Variants in GPD1L observed in about 807,000 individuals in gnomAD.
The protein encoded by GPD1L is glycerol-3-phosphate dehydrogenase 1 like.
Under a neutral mutation model 32.9 loss-of-function variants are expected in GPD1L, and 17 were observed. The observed-to-expected ratio is 0.52, with a 90% CI of 0.35 to 0.78. The LOEUF (loss-of-function observed/expected upper bound fraction) is 0.78, where lower values mean the gene tolerates loss of function less well. Among genes scored for constraint, GPD1L ranks in the 30% least tolerant of loss-of-function variants. The pLI, the probability that GPD1L is intolerant of heterozygous loss-of-function variation, is 0.01. For synonymous variants in GPD1L, 187 were observed against 165.9 expected, an observed-to-expected ratio of 1.13 and a Z score of -0.98; for missense variants, 361 against 447.8, an observed-to-expected ratio of 0.81 and a Z score of 1.75.
At chr3:32,124,325 A>G (rs947408884) in intron 1 of GPD1L, among the ~76,000 whole-genome samples, 1 of 152,048 alleles carries the variant, frequency 6.6e-6, no homozygotes, top group African/African-American at 2.4e-5. Context: ...TCGGCCTCCC[A>G]AAGTGCTGGG....
chr3:32,140,404 A>G, intron 4 of GPD1L, 38 bp downstream of exon 4: 1 of 1,609,562 alleles, frequency 6.2e-7, no homozygotes, highest in Non-Finnish European at 8.5e-7. Context: ...GAGTCTGGAC[A>G]TTTGATGTTT....
chr3:32,151,591 C>T (rs1221355243), intron 5 of GPD1L: 8 of 217,286 alleles, frequency 3.7e-5, no homozygotes, highest in African/African-American at 9.3e-5. Flanking sequence ...GTGATCCTCC[C>T]GCCTCAGCCT....
intron 5 of GPD1L, among the ~76,000 whole-genome samples, chr3:32,150,573 G>T (rs1410392012): frequency 1.4e-5 from 2 of 147,452 alleles, no homozygotes; most frequent in African/African-American, 5.0e-5. Context: ...TGCAACCTCT[G>T]CCTTCCAGGT....
intron 4 of GPD1L, among the ~76,000 whole-genome samples, chr3:32,144,822 A>AACACACACACAC (rs60130762): frequency 7.0e-6 from 1 of 142,064 alleles, no homozygotes; most frequent in African/African-American, 2.6e-5. Flanking sequence ...AGTAGCTGGG[A>AACACACACACAC]ACACACACAC....
chr3:32,124,396 A>C (rs1700474783), intron 1 of GPD1L, among the ~76,000 whole-genome samples: 1 of 152,186 alleles, frequency 6.6e-6, no homozygotes, highest in South Asian at 2.1e-4. Flanking sequence ...GCCACTTATA[A>C]GTAGACTCTG....
chr3:32,152,744 A>T (rs1038301496), intron 5 of GPD1L, among the ~76,000 whole-genome samples: 3 of 151,952 alleles, frequency 2.0e-5, no homozygotes, highest in Non-Finnish European at 2.9e-5. Flanking sequence ...AGGGTAGCAT[A>T]GGGTGTGGCC....
chr3:32,123,353 C>T (rs1239119757), intron 1 of GPD1L, among the ~76,000 whole-genome samples: 1 of 152,180 alleles, frequency 6.6e-6, no homozygotes, highest in African/African-American at 2.4e-5. Flanking sequence ...AGTCTGAGGC[C>T]TCTTCAGACT....
Position 32,106,855 on chromosome 3 carries a change from G to A in GPD1L, c.47+97G>A. ...CGCCCCATGCTGCGGCGTGGGCACC[G>A]GGCACTGCGCGCAGGGAGGCGGGGT... is the stretch of plus-strand genomic sequence containing the variant. On this transcript the variant is annotated intron_variant, in intron 1 of 7. Transcript: ENST00000282541. The surrounding 1 kb of genome is among the most constrained non-coding windows in gnomAD (Gnocchi z 4.0). 3 of 1,190,524 alleles carry A rather than the reference G, an allele frequency of 2.5e-6. No homozygotes were observed. Among genetic ancestry groups the A allele is most frequent in the South Asian group, 2.0e-5 (1 of 50,628 alleles). The allele number at this position is 1,190,524 out of a possible 1,614,324, so 73.7% of individuals were successfully genotyped here.
At chr3:32,157,948 G>A (rs78138056) in intron 5 of GPD1L, among the ~76,000 whole-genome samples, 2,616 of 152,228 alleles carry the variant, frequency 0.017, 78 homozygotes, top group African/African-American at 0.059. Flanking sequence ...ATACTCATTT[G>A]GGGATTATTA....
chr3:32,126,106 G>T (rs1170160487), intron 1 of GPD1L, among the ~76,000 whole-genome samples: 2 of 152,184 alleles, frequency 1.3e-5, no homozygotes, highest in East Asian at 3.8e-4. Flanking sequence ...GAGTTGGAAG[G>T]ATCACCTGAG....
At chr3:32,146,048 G>A (rs1280974662) in intron 4 of GPD1L, among the ~76,000 whole-genome samples, 3 of 149,540 alleles carry the variant, frequency 2.0e-5, no homozygotes, top group East Asian at 2.0e-4. Context: ...GTCACTTCTT[G>A]GTGTAGTTTT....
chr3:32,113,720 A>T (rs1287969288), intron 1 of GPD1L, among the ~76,000 whole-genome samples: 1 of 152,212 alleles, frequency 6.6e-6, no homozygotes, highest in Admixed American at 6.5e-5. Flanking sequence ...TTCAGACAGC[A>T]ATCATTTATT....
At chr3:32,141,876 G>T (rs1195701317) in intron 4 of GPD1L, among the ~76,000 whole-genome samples, 2 of 152,058 alleles carry the variant, frequency 1.3e-5, no homozygotes, top group Non-Finnish European at 2.9e-5. Flanking sequence ...TGAGGTCTGG[G>T]TTATGACTAA....
At position 32,165,917 on chromosome 3, in the gene GPD1L, T is replaced by G. The variant is rs1701140559; in HGVS notation, c.*7T>G. Reference sequence around the variant, plus strand: ...CCATCCAGAGCATACATAAAGTGAATCATGCAACGTGTTGGGGGAAGTTCT... The same window carrying G: ...CCATCCAGAGCATACATAAAGTGAAGCATGCAACGTGTTGGGGGAAGTTCT... On this transcript the variant is annotated 3_prime_UTR_variant, in exon 8 of 8. Transcript: ENST00000282541. 6.8e-7 allele frequency: 1 copy of G among 1,467,588 alleles called. No individual in the cohort carries two copies. Among genetic ancestry groups the G allele is most frequent in the Admixed American group, 1.7e-5 (1 of 59,820 alleles). The allele number at this position is 1,467,588 out of a possible 1,614,324, so 90.9% of individuals were successfully genotyped here. A position where few individuals can be genotyped will look rare whatever the true frequency, so the allele number is the denominator to read the frequency against.
At chr3:32,128,781 C>T (rs1700548200) in intron 2 of GPD1L, among the ~76,000 whole-genome samples, 1 of 152,232 alleles carries the variant, frequency 6.6e-6, no homozygotes, top group Non-Finnish European at 1.5e-5. Flanking sequence ...CCAGCCACCT[C>T]TGGAACTAAC....
Position 32,146,490 on chromosome 3 carries a change from T to C in GPD1L, c.506-132T>C, listed in dbSNP as rs1405534657. On this transcript the variant is annotated intron_variant, in intron 4 of 7. Coordinates refer to ENST00000282541, the MANE Select transcript of GPD1L (RefSeq NM_015141.4). The stretch of plus-strand genomic sequence containing the variant: ...TATTTTTACTTTATTTCTGCTCCTA[T>C]GTGTTTTCTAAATATCCTATCATGA... 10 of 687,028 alleles carry C rather than the reference T, an allele frequency of 1.5e-5. 1 individual carries two copies. Among genetic ancestry groups the C allele is most frequent in the Non-Finnish European group, 2.7e-5 (10 of 374,580 alleles). 42.6% of individuals were successfully genotyped at this position (687,028 alleles called of 1,614,324 possible). A position where few individuals can be genotyped will look rare whatever the true frequency, so the allele number is the denominator to read the frequency against.
intron 3 of GPD1L, among the ~76,000 whole-genome samples, chr3:32,139,237 C>T (rs1376258529): frequency 1.3e-5 from 2 of 152,252 alleles, no homozygotes; most frequent in East Asian, 1.9e-4. Flanking sequence ...GAATGCAGCT[C>T]ACAGCCAAAG....
chr3:32,138,124 C>T (rs534883890), intron 2 of GPD1L, among the ~76,000 whole-genome samples: 2 of 152,298 alleles, frequency 1.3e-5, no homozygotes, highest in East Asian at 1.9e-4. Flanking sequence ...ATACCCTTGA[C>T]CTGTCTCTCC....
intron 6 of GPD1L, 51 bp from the exon 7 acceptor site, chr3:32,159,517 T>C (rs1207947648): frequency 9.5e-7 from 1 of 1,050,548 alleles, no homozygotes; most frequent in Non-Finnish European, 1.4e-6. Context: ...AATAAATGAT[T>C]CTTTAGTCTT....
Sources: allele counts gnomAD v4.1 joint callset (sites outside exome capture counted in the v4.1 genomes callset), GRCh38; gene constraint gnomAD v4.1.1; non-coding constraint Gnocchi (gnomAD v3.1); transcripts MANE v1.5; gene names NCBI Gene and HGNC (gene_info 2026-07-23, HGNC 2026-07-21).